The following PDE1A variants were observed in gnomAD, a reference collection of about 807,000 sequenced individuals.
PDE1A encodes the protein phosphodiesterase 1A, also known as dual specificity calcium/calmodulin-dependent 3',5'-cyclic nucleotide phosphodiesterase 1A.
A neutral mutation model predicts 61.7 loss-of-function variants in PDE1A; 35 were observed. The ratio of observed to expected loss-of-function variants is 0.57; its 90% confidence interval spans 0.43 to 0.75. The LOEUF (loss-of-function observed/expected upper bound fraction) is 0.75, where lower values mean the gene tolerates loss of function less well. Among genes scored for constraint, PDE1A ranks in the 30% least tolerant of loss-of-function variants. The pLI, the probability that PDE1A is intolerant of heterozygous loss-of-function variation, is 0.00. For synonymous variants in PDE1A, 232 were observed against 213.2 expected (o/e 1.09, Z -0.77); for missense variants, 597 against 630.6 (o/e 0.95, Z 0.57).
At chr2:182,156,508 G>A (rs1691089762) in intron 13 of PDE1A, among the ~76,000 whole-genome samples, 2 of 152,040 alleles carry the variant, frequency 1.3e-5, no homozygotes. Context: ...GGAAAGGGCG[G>A]GAGCATTCCT....
At chr2:182,437,519 C>T (rs1192705708) in intron 2 of PDE1A, among the ~76,000 whole-genome samples, 2 of 151,946 alleles carry the variant, frequency 1.3e-5, no homozygotes, top group South Asian at 2.1e-4. Context: ...AGAGCTGTTG[C>T]CATTACAGAG....
In PDE1A at chr2:182,464,442, G is replaced by A. The variant is rs542399864; in HGVS notation, c.101+57834C>T. On this transcript the variant is annotated intron_variant, in intron 2 of 14. Transcript: ENST00000410103. ...AAAAAGGAAATATTAGGGGTAAGGA[G>A]AATTCTGCTTAAACTGACCAAATAC... Among the ~76,000 whole-genome samples the A allele has an allele frequency of 2.0e-5, 3 of 152,172 alleles. No individual in the cohort carries two copies. In the South Asian group the frequency reaches 6.2e-4, roughly 32 times the overall value.
At chr2:182,568,494 A>G in the PDE1A span, among the ~76,000 whole-genome samples, 135 of 152,036 alleles carry the variant, frequency 8.9e-4, no homozygotes, top group South Asian at 6.5e-3. Flanking sequence ...GTGAAACCCC[A>G]TCTCTACTAA....
At chr2:182,527,326 AAATATATATATATATAT>A (rs1559543420), upstream of PDE1A, among the ~76,000 whole-genome samples, 98 of 21,718 alleles carry the variant, frequency 4.5e-3, 6 homozygotes, top group South Asian at 0.011. Flanking sequence ...AAAAAAAAAA[AAATATATATATATATAT>A]ATATATATAT....
At chr2:182,586,105 T>A in the PDE1A span, among the ~76,000 whole-genome samples, 1 of 152,156 alleles carries the variant, frequency 6.6e-6, no homozygotes, top group African/African-American at 2.4e-5. Context: ...ATCTCCCCCA[T>A]CTTTCTCCTA....
At chr2:182,699,065 C>T in the PDE1A span, among the ~76,000 whole-genome samples, 1 of 152,128 alleles carries the variant, frequency 6.6e-6, no homozygotes, top group Non-Finnish European at 1.5e-5. Flanking sequence ...TGAGGTAGCC[C>T]TTTATCAGTA....
At chr2:182,290,460 A>G (rs1455621257) in intron 1 of PDE1A, among the ~76,000 whole-genome samples, 3 of 152,132 alleles carry the variant, frequency 2.0e-5, no homozygotes, top group Admixed American at 6.6e-5. Context: ...TGAAAAACAC[A>G]AGGGTAGAAC....
chr2:182,697,917 A>G, the PDE1A span, among the ~76,000 whole-genome samples: 1 of 152,320 alleles, frequency 6.6e-6, no homozygotes, highest in South Asian at 2.1e-4. Context: ...AAATCCCACT[A>G]TGTCATTCCA....
At chr2:182,254,825 G>C (rs919435096) in intron 2 of PDE1A, among the ~76,000 whole-genome samples, 3 of 152,116 alleles carry the variant, frequency 2.0e-5, no homozygotes, top group Non-Finnish European at 4.4e-5. Context: ...CACAGTTGTG[G>C]TTTGAGAAAG....
intron 2 of PDE1A, among the ~76,000 whole-genome samples, chr2:182,518,894 T>C (rs1435410250): frequency 6.6e-6 from 1 of 152,114 alleles, no homozygotes; most frequent in African/African-American, 2.4e-5. Context: ...TATAGCAATG[T>C]CACTAACTGG....
At chr2:182,697,032 A>G in the PDE1A span, among the ~76,000 whole-genome samples, 1 of 152,204 alleles carries the variant, frequency 6.6e-6, no homozygotes, top group Non-Finnish European at 1.5e-5. Context: ...AATGTTACAT[A>G]TAAGCTTATC....
chr2:182,323,858 C>T (rs1313667577), intron 1 of PDE1A, among the ~76,000 whole-genome samples: 2 of 152,188 alleles, frequency 1.3e-5, no homozygotes, highest in Non-Finnish European at 2.9e-5. Flanking sequence ...GTAGAGCAGA[C>T]CAGCGTGTCA....
chr2:182,337,869 A>G (rs943192692), intron 1 of PDE1A, among the ~76,000 whole-genome samples: 8 of 152,210 alleles, frequency 5.3e-5, no homozygotes, highest in African/African-American at 1.9e-4. Context: ...AGTAATGTCT[A>G]TGTCAAAATA....
At chr2:182,540,279 G>C in the PDE1A span, among the ~76,000 whole-genome samples, 1 of 150,248 alleles carries the variant, frequency 6.7e-6, no homozygotes, top group Non-Finnish European at 1.5e-5. Context: ...CAGGAGAATT[G>C]CTTGAGCCCA....
At chr2:182,315,421 A>G (rs1422735525) in intron 1 of PDE1A, among the ~76,000 whole-genome samples, 1 of 152,220 alleles carries the variant, frequency 6.6e-6, no homozygotes, top group African/African-American at 2.4e-5. Context: ...TTAGTAAATA[A>G]AAGCAAAATG....
chr2:182,564,728 A>G, the PDE1A span, among the ~76,000 whole-genome samples: 624 of 152,166 alleles, frequency 4.1e-3, no homozygotes, highest in Non-Finnish European at 6.8e-3. Flanking sequence ...ATAGTCCCAC[A>G]TTTCTTGGAG....
the PDE1A span, among the ~76,000 whole-genome samples, chr2:182,575,332 A>G: frequency 6.6e-6 from 1 of 151,892 alleles, no homozygotes; most frequent in Non-Finnish European, 1.5e-5. Flanking sequence ...TTTCATACTG[A>G]TAGTCTGGGT....
At chr2:182,403,203 A>G (rs907501332) in intron 1 of PDE1A, among the ~76,000 whole-genome samples, 1 of 152,212 alleles carries the variant, frequency 6.6e-6, no homozygotes, top group African/African-American at 2.4e-5. Context: ...AAATCATTCT[A>G]GTACAAAGAC....
chr2:182,457,086 C>G (rs1245938990), intron 2 of PDE1A, among the ~76,000 whole-genome samples: 1 of 152,018 alleles, frequency 6.6e-6, no homozygotes, highest in Non-Finnish European at 1.5e-5. Context: ...AGTTGGTACA[C>G]GTTCCCTTTC....
Sources: gnomAD v4.1 joint callset for allele counts (sites outside exome capture counted in the v4.1 genomes callset) on GRCh38, gnomAD v4.1.1 for gene constraint, MANE v1.5 for transcripts, NCBI Gene and HGNC (gene_info 2026-07-23, HGNC 2026-07-21) for gene names.